The following TCF4 variants were observed in gnomAD, a reference collection of about 807,000 sequenced individuals.
TCF4 encodes the protein transcription factor 4.
Under a neutral mutation model 82.1 loss-of-function variants are expected in TCF4, and 3 were observed. That is an observed-to-expected ratio of 0.04 (90% CI 0.02 to 0.09). The LOEUF (loss-of-function observed/expected upper bound fraction) is 0.09. Ranked by LOEUF, TCF4 falls within the 10% of genes least tolerant of loss-of-function variation. The pLI is 1.00. For missense variants in TCF4, 518 were observed against 852.7 expected (o/e 0.61, Z 4.89); for synonymous variants, 276 against 309.6 (o/e 0.89, Z 1.14).
intron 8 of TCF4, among the ~76,000 whole-genome samples, chr18:55,287,012 A>C (rs185755652): frequency 7.9e-5 from 12 of 152,328 alleles, no homozygotes; most frequent in Admixed American, 6.5e-5. Flanking sequence ...AATAGTTCTA[A>C]GTGCCCCAAA....
At chr18:55,618,081 G>A (rs371784616) in intron 2 of TCF4, among the ~76,000 whole-genome samples, 1 of 152,046 alleles carries the variant, frequency 6.6e-6, no homozygotes, top group African/African-American at 2.4e-5. Flanking sequence ...TTAGCTATGG[G>A]CTTGTCATAT....
chr18:55,468,887 C>G (rs1204894342), intron 3 of TCF4, among the ~76,000 whole-genome samples: 4 of 123,988 alleles, frequency 3.2e-5, no homozygotes, highest in East Asian at 2.5e-4. Context: ...TCTCGCCCCC[C>G]CCCCCCTTGT....
intron 3 of TCF4, among the ~76,000 whole-genome samples, chr18:55,578,903 C>T (rs755224915): frequency 3.7e-4 from 56 of 151,974 alleles, no homozygotes; most frequent in Non-Finnish European, 6.6e-4. Flanking sequence ...AACAATCAAT[C>T]GTGTGGCTGC....
rs535379962 is a variant in TCF4 at position 55,400,212 on chromosome 18, T to C, written c.369+3242A>G. Among the ~76,000 whole-genome samples the C allele has an allele frequency of 9.9e-4, 150 of 152,280 alleles. 1 individual carries two copies. The highest frequency in any genetic ancestry group is 1.6e-3 in the Non-Finnish European group (111 of 68,032). On this transcript the variant is annotated intron_variant, in intron 6 of 19. Coordinates refer to ENST00000354452, the MANE Select transcript of TCF4 (RefSeq NM_001083962.2). ...ATTAAGTTTTAGTTATTGGCTATTATAGTATTAAGGTTGGACTAGCTTGCA... is the reference window on the plus strand; with the variant it reads ...ATTAAGTTTTAGTTATTGGCTATTACAGTATTAAGGTTGGACTAGCTTGCA...
chr18:55,630,053 T>TA, intron 2 of TCF4, among the ~76,000 whole-genome samples: 1 of 152,342 alleles, frequency 6.6e-6, no homozygotes, highest in African/African-American at 2.4e-5. Flanking sequence ...CTGTGTAATT[T>TA]AAACCATTTT....
rs2097270375 is a variant in TCF4, at chr18:55,552,670, A to T, written c.145+32610T>A. Among the ~76,000 whole-genome samples, 3 of 152,248 alleles carry T rather than the reference A, an allele frequency of 2.0e-5. No homozygotes were observed. In the South Asian group the frequency reaches 6.2e-4, roughly 31 times the overall value. ...GTTTTTATACATCGCTTAATGGGCA[A>T]AATGCCACTGAACGCATGGCTGCAG... On this transcript the variant is annotated intron_variant, in intron 3 of 19. Transcript: ENST00000354452.
intron 2 of TCF4, among the ~76,000 whole-genome samples, chr18:55,602,793 A>G (rs2097698514): frequency 6.6e-6 from 1 of 152,234 alleles, no homozygotes; most frequent in Non-Finnish European, 1.5e-5. Context: ...AAAAAATTGT[A>G]ATTGCAGACA....
intron 6 of TCF4, among the ~76,000 whole-genome samples, chr18:55,399,252 C>T (rs1243597101): frequency 1.3e-5 from 2 of 152,158 alleles, no homozygotes; most frequent in African/African-American, 4.8e-5. Flanking sequence ...GAATCAACTA[C>T]ATGCTTAATT....
chr18:55,344,496 C>T (rs1400371133), intron 8 of TCF4, among the ~76,000 whole-genome samples: 1 of 152,124 alleles, frequency 6.6e-6, no homozygotes, highest in Non-Finnish European at 1.5e-5. Flanking sequence ...CAAAACTTCA[C>T]ACCAAAATAT....
intron 5 of TCF4, among the ~76,000 whole-genome samples, chr18:55,436,800 T>C (rs1471154170): frequency 2.0e-5 from 3 of 152,180 alleles, no homozygotes; most frequent in African/African-American, 7.2e-5. Context: ...ACTAAATATC[T>C]TTATTATCCA....
chr18:55,594,381 A>G (rs1184656442), intron 2 of TCF4, among the ~76,000 whole-genome samples: 1 of 152,222 alleles, frequency 6.6e-6, no homozygotes, highest in East Asian at 1.9e-4. Flanking sequence ...ATCAGACTGT[A>G]GACTCCATGA....
intron 6 of TCF4, among the ~76,000 whole-genome samples, chr18:55,375,990 T>C (rs1304470213): frequency 6.6e-6 from 1 of 151,412 alleles, no homozygotes; most frequent in Non-Finnish European, 1.5e-5. Flanking sequence ...AAAGTATCCA[T>C]GTATTATTTT....
At chr18:55,476,823 T>C (rs1433004570) in intron 3 of TCF4, among the ~76,000 whole-genome samples, 1 of 152,200 alleles carries the variant, frequency 6.6e-6, no homozygotes, top group African/African-American at 2.4e-5. Flanking sequence ...AACTGTGATT[T>C]ATAAAGGCTG....
At chr18:55,455,690 A>G (rs1377637395) in intron 5 of TCF4, among the ~76,000 whole-genome samples, 1 of 152,224 alleles carries the variant, frequency 6.6e-6, no homozygotes, top group Non-Finnish European at 1.5e-5. Context: ...TGAAGTTACT[A>G]AAGATTATTT....
chr18:55,297,029 T>C (rs796413269), intron 8 of TCF4, among the ~76,000 whole-genome samples: 1 of 152,252 alleles, frequency 6.6e-6, no homozygotes, highest in African/African-American at 2.4e-5. Flanking sequence ...TCAACCCATA[T>C]GTATTTCGAG....
At chr18:55,375,192 TAAATA>T (rs1032041160) in intron 6 of TCF4, among the ~76,000 whole-genome samples, 5 of 151,278 alleles carry the variant, frequency 3.3e-5, no homozygotes, top group Admixed American at 2.0e-4. Flanking sequence ...ATGAAAATTT[TAAATA>T]AAATATATAA....
chr18:55,433,866 G>A (rs1420743264), intron 5 of TCF4, among the ~76,000 whole-genome samples: 1 of 151,868 alleles, frequency 6.6e-6, no homozygotes, highest in African/African-American at 2.4e-5. Flanking sequence ...TCCCTTATGT[G>A]CCCAATCATC....
rs397966299 is a variant in TCF4, at chr18:55,249,021, A to AG, written c.1350+5475dup. ...CGGCCTCCTAAATTGCTGGGATTAC[A>AG]GGGGTGAGCCACCGTGTCCAGCCTC... On this transcript the variant is annotated intron_variant, in intron 15 of 19. Coordinates refer to ENST00000354452, the MANE Select transcript of TCF4 (RefSeq NM_001083962.2). 1.6e-4 allele frequency among the ~76,000 whole-genome samples: 25 copies of AG among 152,286 alleles called. No homozygotes were observed. The East Asian group carries it at 4.3e-3, about 26-fold the overall frequency.
intron 3 of TCF4, among the ~76,000 whole-genome samples, chr18:55,579,191 T>C (rs1413296871): frequency 2.0e-5 from 3 of 151,584 alleles, no homozygotes; most frequent in Non-Finnish European, 4.4e-5. Flanking sequence ...AAGAGAGATA[T>C]GGGTCAAAAG....
Sources: gnomAD v4.1 joint callset for allele counts (sites outside exome capture counted in the v4.1 genomes callset) on GRCh38, gnomAD v4.1.1 for gene constraint, MANE v1.5 for transcripts, NCBI Gene and HGNC (gene_info 2026-07-23, HGNC 2026-07-21) for gene names.